AFG2A: variants seen among roughly 807,000 people sequenced by gnomAD.
AFG2A encodes the protein AAA ATPase AFG2A, also known as ATPase family gene 2 protein homolog A.
At chr4:122,942,963 C>G in the AFG2A span, among the ~76,000 whole-genome samples, 3 of 151,852 alleles carry the variant, frequency 2.0e-5, no homozygotes, top group Admixed American at 2.0e-4. Context: ...GTTTCTTAAT[C>G]CTGAGTTGTA....
chr4:123,071,628 ACTCT>A, the AFG2A span, among the ~76,000 whole-genome samples: 7 of 152,284 alleles, frequency 4.6e-5, no homozygotes, highest in African/African-American at 1.7e-4. Context: ...CTTTTATGTC[ACTCT>A]CTATGTTAAC....
the AFG2A span, among the ~76,000 whole-genome samples, chr4:123,135,490 A>T: frequency 1.3e-5 from 2 of 152,240 alleles, no homozygotes; most frequent in African/African-American, 4.8e-5. Flanking sequence ...TGCTGACTAC[A>T]TGATCTTATA....
the AFG2A span, among the ~76,000 whole-genome samples, chr4:123,056,739 A>C: frequency 6.6e-6 from 1 of 152,242 alleles, no homozygotes; most frequent in Non-Finnish European, 1.5e-5. Context: ...ATAGTTAATA[A>C]TACCTATCAT....
At chr4:123,305,385 G>A in the AFG2A span, among the ~76,000 whole-genome samples, 1 of 152,124 alleles carries the variant, frequency 6.6e-6, no homozygotes, top group East Asian at 1.9e-4. Context: ...ACGCCTGTGT[G>A]CCACTCTCAT....
the AFG2A span, among the ~76,000 whole-genome samples, chr4:123,275,681 T>C: frequency 6.6e-6 from 1 of 152,130 alleles, no homozygotes; most frequent in Non-Finnish European, 1.5e-5. Flanking sequence ...CCAGTGTCTG[T>C]TGTTCCCCTC....
At chr4:123,103,289 G>T in the AFG2A span, among the ~76,000 whole-genome samples, 1 of 152,080 alleles carries the variant, frequency 6.6e-6, no homozygotes, top group Non-Finnish European at 1.5e-5. Flanking sequence ...TGTGTGAGTT[G>T]AGGACTGGGG....
At chr4:122,923,225 C>T in the AFG2A span, 1 of 1,614,172 alleles carries the variant, frequency 6.2e-7, no homozygotes, top group African/African-American at 1.3e-5. Context: ...TCCTCTTGTG[C>T]GGAGGCACGG....
At chr4:123,296,159 C>T in the AFG2A span, among the ~76,000 whole-genome samples, 342 of 150,688 alleles carry the variant, frequency 2.3e-3, 1 homozygote, top group Non-Finnish European at 3.4e-3. Context: ...TCAGCAATAC[C>T]TATGAAGTAC....
chr4:123,021,158 C>A, the AFG2A span, among the ~76,000 whole-genome samples: 1 of 151,914 alleles, frequency 6.6e-6, no homozygotes, highest in African/African-American at 2.4e-5. Context: ...TCATCCATTT[C>A]CTCTTATATT....
At chr4:122,979,474 T>C in the AFG2A span, 1 of 1,406,724 alleles carries the variant, frequency 7.1e-7, no homozygotes, top group South Asian at 1.4e-5. Context: ...CTTCCTAGGC[T>C]AAACTTTAAA....
At chr4:123,071,932 T>G in the AFG2A span, among the ~76,000 whole-genome samples, 1 of 152,232 alleles carries the variant, frequency 6.6e-6, no homozygotes, top group African/African-American at 2.4e-5. Context: ...ACAGCTTCCT[T>G]TCAACTGTAA....
At chr4:123,151,491 CAAAG>C in the AFG2A span, among the ~76,000 whole-genome samples, 1 of 152,108 alleles carries the variant, frequency 6.6e-6, no homozygotes, top group African/African-American at 2.4e-5. Context: ...AGACACTCCT[CAAAG>C]AAAGACGTTT....
At chr4:122,928,765 C>A in the AFG2A span, among the ~76,000 whole-genome samples, 2 of 152,060 alleles carry the variant, frequency 1.3e-5, no homozygotes, top group Non-Finnish European at 2.9e-5. Flanking sequence ...TTTTTCATAT[C>A]TTCTACCGTC....
At chr4:122,933,723 C>G in the AFG2A span, among the ~76,000 whole-genome samples, 1 of 152,182 alleles carries the variant, frequency 6.6e-6, no homozygotes, top group Non-Finnish European at 1.5e-5. Context: ...TGGAAAGAGT[C>G]AGTGGTAGAA....
chr4:123,065,422 T>C, the AFG2A span, among the ~76,000 whole-genome samples: 1 of 152,192 alleles, frequency 6.6e-6, no homozygotes, highest in African/African-American at 2.4e-5. Flanking sequence ...TCTAGGTTTT[T>C]GGAAGTAAAT....
At chr4:123,159,228 T>C in the AFG2A span, among the ~76,000 whole-genome samples, 1 of 152,138 alleles carries the variant, frequency 6.6e-6, no homozygotes, top group African/African-American at 2.4e-5. Context: ...CGTTTTCTTT[T>C]GTAAAAGTTT....
the AFG2A span, among the ~76,000 whole-genome samples, chr4:123,016,275 C>T: frequency 4.6e-4 from 69 of 151,338 alleles, no homozygotes; most frequent in Non-Finnish European, 7.4e-4. Context: ...ACCCCCACCT[C>T]CCTCCCGGAT....
At chr4:122,935,960 C>A in the AFG2A span, 1 of 1,319,460 alleles carries the variant, frequency 7.6e-7, no homozygotes, top group Non-Finnish European at 1.0e-6. Flanking sequence ...TATTTTGCTT[C>A]TTAATAAAAA....
At chr4:123,050,641 T>A in the AFG2A span, among the ~76,000 whole-genome samples, 3 of 152,204 alleles carry the variant, frequency 2.0e-5, no homozygotes, top group Non-Finnish European at 4.4e-5. Flanking sequence ...TTTTTTGGTC[T>A]CCATTTGCAT....
Sources: allele counts gnomAD v4.1 joint callset (sites outside exome capture counted in the v4.1 genomes callset), GRCh38; gene constraint gnomAD v4.1.1; transcripts MANE v1.5; gene names NCBI Gene and HGNC (gene_info 2026-07-23, HGNC 2026-07-21).